AP1M1: variants seen among roughly 807,000 people sequenced by gnomAD.
AP1M1 encodes the protein adaptor related protein complex 1 subunit mu 1, also known as AP-1 complex subunit mu-1.
A neutral mutation model predicts 57.1 loss-of-function variants in AP1M1; 18 were observed. The observed-to-expected ratio is 0.32, with a 90% CI of 0.22 to 0.47. The LOEUF is 0.47. Among genes scored for constraint, AP1M1 ranks in the 20% least tolerant of loss-of-function variants. The probability of loss-of-function intolerance (pLI) is 1.00; values close to 1 mark genes in which losing one functional copy is unlikely to be tolerated. For synonymous variants in AP1M1, 241 were observed against 237.9 expected (o/e 1.01, Z -0.12); for missense variants, 362 against 593.5 (o/e 0.61, Z 4.05).
chr19:16,226,640 C>T (rs1209211492), intron 6 of AP1M1, 93 bp downstream of exon 6: 21 of 1,445,526 alleles, frequency 1.5e-5, no homozygotes, highest in African/African-American at 4.2e-5. Context: ...GGCGGAGGAA[C>T]GAGCTGGTTT....
intron 1 of AP1M1, among the ~76,000 whole-genome samples, chr19:16,202,019 C>G (rs1184779543): frequency 6.6e-6 from 1 of 152,110 alleles, no homozygotes; most frequent in Admixed American, 6.6e-5. Flanking sequence ...CCCTGTCACC[C>G]TTTGTGAGGA....
chr19:16,197,975 T>TCGCTACCGCCGCCACCGCCCTCGGC lies in AP1M1; in HGVS notation c.-48_-47insACCGCCGCCACCGCCCTCGGCCGCT. 6 of 1,451,818 alleles carry TCGCTACCGCCGCCACCGCCCTCGGC rather than the reference T, an allele frequency of 4.1e-6. No homozygotes were observed. The highest frequency in any genetic ancestry group is 1.3e-5 in the South Asian group (1 of 77,830). The allele number at this position is 1,451,818 out of a possible 1,614,324, so 89.9% of individuals were successfully genotyped here. A position where few individuals can be genotyped will look rare whatever the true frequency, so the allele number is the denominator to read the frequency against. Reference sequence around the variant, plus strand: ...GCTCAACGCCCAGCAGTCCCCACCGTCGCTGCCGCCGCCACCGCCCTCGGC... The same window carrying TCGCTACCGCCGCCACCGCCCTCGGC: ...GCTCAACGCCCAGCAGTCCCCACCGTCGCTACCGCCGCCACCGCCCTCGGCCGCTGCCGCCGCCACCGCCCTCGGC... On this transcript the variant is annotated 5_prime_UTR_variant, in exon 1 of 12. Coordinates refer to ENST00000291439, the MANE Select transcript of AP1M1 (RefSeq NM_032493.4).
rs748543603 is a variant in AP1M1 at position 16,208,114 on chromosome 19, C to A, written c.363C>A (p.Gly121=). Residue 121 remains glycine, a synonymous_variant, in exon 4 of 12, where the codon GGC becomes GGA. Coordinates refer to ENST00000291439, the MANE Select transcript of AP1M1 (RefSeq NM_032493.4). ...YELLDELMDF[G]YPQTTDSKIL... is the part of the protein sequence containing the mutation. ...TGCTGGACGAGCTCATGGACTTCGGCTACCCCCAGACCACCGACAGCAAGA... is the reference window on the plus strand; with the variant it reads ...TGCTGGACGAGCTCATGGACTTCGGATACCCCCAGACCACCGACAGCAAGA... 2.5e-6 allele frequency: 4 copies of A among 1,613,532 alleles called. No individual in the cohort carries two copies. In the African/African-American group the frequency reaches 5.3e-5, roughly 22 times the overall value.
Position 16,234,502 on chromosome 19 carries a change from A to C in AP1M1, c.*67A>C. 1.2e-6 allele frequency: 2 copies of C among 1,601,502 alleles called. No homozygotes were observed. Among genetic ancestry groups the C allele is most frequent in the Non-Finnish European group, 1.7e-6 (2 of 1,172,994 alleles). On this transcript the variant is annotated 3_prime_UTR_variant, in exon 12 of 12. Coordinates refer to ENST00000291439, the MANE Select transcript of AP1M1 (RefSeq NM_032493.4). ...GGCAGCACCAGGGGACACACCTGCC[A>C]AACCCACCAGATGGAGGGGCCCTCC...
At chr19:16,216,550 T>C (rs1412544269) in intron 5 of AP1M1, among the ~76,000 whole-genome samples, 1 of 152,228 alleles carries the variant, frequency 6.6e-6, no homozygotes, top group Non-Finnish European at 1.5e-5. Context: ...TTCTTTCTCA[T>C]TTTTGTGGGC....
chr19:16,198,156 C>T (rs976349031), intron 1 of AP1M1, 88 bp downstream of exon 1: 32 of 1,459,242 alleles, frequency 2.2e-5, no homozygotes, highest in Non-Finnish European at 3.0e-5. Flanking sequence ...AGGTAACCGG[C>T]TTATGAGCCC....
At chr19:16,219,337 A>G (rs2091532235) in intron 5 of AP1M1, among the ~76,000 whole-genome samples, 1 of 151,444 alleles carries the variant, frequency 6.6e-6, no homozygotes, top group Non-Finnish European at 1.5e-5. Context: ...TTGCATATGC[A>G]TCATGAGATA....
At position 16,228,268 on chromosome 19, in the gene AP1M1, C is replaced by T; in HGVS notation, c.888+60C>T. The T allele has an allele frequency of 3.8e-6, 6 of 1,559,150 alleles. No individual in the cohort carries two copies. The Admixed American group carries it at 5.1e-5, about 13-fold the overall frequency. On this transcript the variant is annotated intron_variant, in intron 8 of 11. Transcript: ENST00000291439. This position sits in a 1 kb window ranked among gnomAD's most constrained non-coding sequence, Gnocchi z 5.0. Reference sequence around the variant, plus strand: ...TGGTGTCTCTGGCCCGTCCCAGGAGCCTAACCGAGGGCTGGGGGTGCCGTA... The same window carrying T: ...TGGTGTCTCTGGCCCGTCCCAGGAGTCTAACCGAGGGCTGGGGGTGCCGTA...
intron 2 of AP1M1, among the ~76,000 whole-genome samples, chr19:16,205,468 C>T (rs2091465625): frequency 6.6e-6 from 1 of 152,206 alleles, no homozygotes; most frequent in African/African-American, 2.4e-5. Flanking sequence ...ACTCGTTTGA[C>T]TGGGCCAGCG....
In AP1M1 at chr19:16,238,480, T is replaced by C. The variant is rs1294361436; in HGVS notation, c.*4045T>C. On this transcript the variant is annotated 3_prime_UTR_variant, in exon 12 of 12. Transcript: ENST00000291439. The stretch of plus-strand genomic sequence containing the variant: ...CTTAAACAACATTGAGCGGGAAAAA[T>C]GTTTACAAAAGAAAATGCAGTAATC... 2.0e-5 allele frequency: 3 copies of C among 151,746 alleles called. No individual in the cohort carries two copies. The highest frequency in any genetic ancestry group is 7.3e-5 in the African/African-American group (3 of 41,294). The allele number at this position is 151,746 out of a possible 1,614,324, so 9.4% of individuals were successfully genotyped here.
chr19:16,208,385 A>C, intron 4 of AP1M1: 1 of 399,606 alleles, frequency 2.5e-6, no homozygotes, highest in Non-Finnish European at 4.6e-6. Context: ...CTCCATCCAC[A>C]CAGATGCCTT....
At position 16,236,320 on chromosome 19, in the gene AP1M1, C is replaced by T. The variant is rs1015329860; in HGVS notation, c.*1885C>T. 6.6e-6 allele frequency: 1 copy of T among 152,278 alleles called. No homozygotes were observed. The highest frequency in any genetic ancestry group is 2.4e-5 in the African/African-American group (1 of 41,460). The allele number at this position is 152,278 out of a possible 1,614,324, so 9.4% of individuals were successfully genotyped here. A position where few individuals can be genotyped will look rare whatever the true frequency, so the allele number is the denominator to read the frequency against. On this transcript the variant is annotated 3_prime_UTR_variant, in exon 12 of 12. Coordinates refer to ENST00000291439, the MANE Select transcript of AP1M1 (RefSeq NM_032493.4). ...CAACTTATCAGATAAGACCTGCAAA[C>T]CCTCCACTACAGACTGTAGAAATGC...
intron 5 of AP1M1, among the ~76,000 whole-genome samples, chr19:16,219,044 T>A (rs1204493314): frequency 2.0e-5 from 3 of 150,352 alleles, no homozygotes; most frequent in Non-Finnish European, 3.0e-5. Flanking sequence ...AAGTTCCCTT[T>A]TATTGCTAGT....
Position 16,206,198 on chromosome 19 carries a change from C to T in AP1M1, c.200-143C>T. 1 of 802,146 alleles carries T rather than the reference C, an allele frequency of 1.2e-6. No homozygotes were observed. 49.7% of individuals were successfully genotyped at this position (802,146 alleles called of 1,614,324 possible). ...AGCTTGGACCAGGAGCTTTGTAGCC[C>T]ACCATGGGCCAAGTAAACGGCTGGG... is the stretch of plus-strand genomic sequence containing the variant. On this transcript the variant is annotated intron_variant, in intron 2 of 11. Coordinates refer to ENST00000291439, the MANE Select transcript of AP1M1 (RefSeq NM_032493.4). The surrounding 1 kb of genome is among the most constrained non-coding windows in gnomAD (Gnocchi z 4.3).
chr19:16,226,357 TGTG>T (rs1226351654), intron 5 of AP1M1, 61 bp from the exon 6 acceptor site: 4 of 1,494,210 alleles, frequency 2.7e-6, no homozygotes, highest in Non-Finnish European at 3.6e-6. Flanking sequence ...GGTCACATGA[TGTG>T]GTAGGAGGCA....
At position 16,234,186 on chromosome 19, in the gene AP1M1, A is replaced by G. The variant is rs1379215819; in HGVS notation, c.1174-13A>G. On this transcript the variant is annotated splice_polypyrimidine_tract_variant and intron_variant, in intron 10 of 11. Coordinates refer to ENST00000291439, the MANE Select transcript of AP1M1 (RefSeq NM_032493.4). ...AGCCTGCGGTGCTCAGGGCCCTGCT[A>G]CCTGTGCCCCAGGTGCGCTACCTGA... 1 of 1,611,006 alleles carries G rather than the reference A, an allele frequency of 6.2e-7. No individual in the cohort carries two copies. The highest frequency in any genetic ancestry group is 8.5e-7 in the Non-Finnish European group (1 of 1,178,586).
intron 5 of AP1M1, among the ~76,000 whole-genome samples, chr19:16,223,938 C>T (rs1023016755): frequency 3.9e-5 from 6 of 152,230 alleles, no homozygotes; most frequent in Non-Finnish European, 7.3e-5. Flanking sequence ...TGTATGGGCT[C>T]AGCCAATCCA....
rs2091625535 is a variant in AP1M1, at chr19:16,236,526, A to T, written c.*2091A>T. ...AGATAGGACTTTGGGCATCGGGAAG[A>T]TGGTGAAATGCAGTGGAGATGACTC... On this transcript the variant is annotated 3_prime_UTR_variant, in exon 12 of 12. Transcript: ENST00000291439. The T allele has an allele frequency of 6.6e-6, 1 of 152,216 alleles. No individual in the cohort carries two copies. The highest frequency in any genetic ancestry group is 1.5e-5 in the Non-Finnish European group (1 of 68,050). 9.4% of individuals were successfully genotyped at this position (152,216 alleles called of 1,614,324 possible). A position where few individuals can be genotyped will look rare whatever the true frequency, so the allele number is the denominator to read the frequency against.
In AP1M1 at chr19:16,210,659, A is replaced by C. The variant is rs376673042; in HGVS notation, c.546+1482A>C. Reference sequence around the variant, plus strand: ...ACTGCAACCTCTGCCTCCCAGGCTTAAGCGATTCTCCTGCCTCAGCCTCCC... The same window carrying C: ...ACTGCAACCTCTGCCTCCCAGGCTTCAGCGATTCTCCTGCCTCAGCCTCCC... On this transcript the variant is annotated intron_variant, in intron 5 of 11. Coordinates refer to ENST00000291439, the MANE Select transcript of AP1M1 (RefSeq NM_032493.4). 1.1e-4 allele frequency among the ~76,000 whole-genome samples: 16 copies of C among 152,238 alleles called. No homozygotes were observed. The East Asian group carries it at 2.9e-3, about 28-fold the overall frequency.
Sources: allele counts gnomAD v4.1 joint callset (sites outside exome capture counted in the v4.1 genomes callset), GRCh38; gene constraint gnomAD v4.1.1; non-coding constraint Gnocchi (gnomAD v3.1); transcripts MANE v1.5; gene names NCBI Gene and HGNC (gene_info 2026-07-23, HGNC 2026-07-21).